Variants in MCC observed in about 807,000 individuals in gnomAD.
MCC encodes the protein colorectal mutant cancer protein.
Under a neutral mutation model 116.2 loss-of-function variants are expected in MCC, and 90 were observed. That is an observed-to-expected ratio of 0.77 (90% CI 0.65 to 0.92). MCC has a LOEUF of 0.92. MCC is among the 40% of genes least tolerant of loss of function. MCC has a pLI of 0.00. For synonymous variants in MCC, 578 were observed against 510.5 expected, an observed-to-expected ratio of 1.13 and a Z score of -1.78; for missense variants, 1,516 against 1,312.2, an observed-to-expected ratio of 1.16 and a Z score of -2.40.
rs766615459 is a variant in MCC, at chr5:113,434,603, A to G, written c.171-49391T>C. ...TGTAGACCTTGCCATGTGATGTCTCAAAGATCTCGTAGGTCTTAATGATGG... is the reference window on the plus strand; with the variant it reads ...TGTAGACCTTGCCATGTGATGTCTCGAAGATCTCGTAGGTCTTAATGATGG... On this transcript the variant is annotated intron_variant, in intron 1 of 18. Transcript: ENST00000408903. The surrounding 1 kb of genome is among the most constrained non-coding windows in gnomAD (Gnocchi z 4.2). The G allele has an allele frequency of 4.3e-6, 7 of 1,613,638 alleles. No homozygotes were observed. The highest frequency in any genetic ancestry group is 4.2e-6 in the Non-Finnish European group (5 of 1,179,832).
rs1383749057 is a variant in MCC at position 113,185,126 on chromosome 5, TA to T, written c.628-33705del. ...CTGCACGATGGTTCAAACATCAACT[TA>T]ATGAAGAGAGAGTGGGCATAAGGGG... On this transcript the variant is annotated intron_variant, in intron 3 of 18. Transcript: ENST00000408903. Among the ~76,000 whole-genome samples the T allele has an allele frequency of 1.0e-3, 156 of 152,216 alleles. 1 individual carries two copies. In the East Asian group the frequency reaches 0.028, roughly 27 times the overall value.
chr5:113,051,448 G>A (rs1053788055), intron 15 of MCC, among the ~76,000 whole-genome samples: 1 of 152,240 alleles, frequency 6.6e-6, no homozygotes, highest in Non-Finnish European at 1.5e-5. Flanking sequence ...GCCAGGCCTG[G>A]TGCCTCACAT....
chr5:113,250,566 GGTT>G (rs1764758824), intron 3 of MCC, among the ~76,000 whole-genome samples: 1 of 152,086 alleles, frequency 6.6e-6, no homozygotes, highest in African/African-American at 2.4e-5. Context: ...AAGTTACTCA[GGTT>G]ACCAGACCTT....
chr5:113,024,727 C>G lies in MCC; in HGVS notation c.*2575G>C, dbSNP rs1266398562. On this transcript the variant is annotated 3_prime_UTR_variant, in exon 19 of 19. Coordinates refer to ENST00000408903, the MANE Select transcript of MCC (RefSeq NM_001085377.2). Reference sequence around the variant, plus strand: ...TTCACAAAGGAAAATTACCCAGGAACCTGCAAGCATTTAATTTAATCAGTA... The same window carrying G: ...TTCACAAAGGAAAATTACCCAGGAAGCTGCAAGCATTTAATTTAATCAGTA... 1 of 128,982 alleles carries G rather than the reference C, an allele frequency of 7.8e-6. No homozygotes were observed. The highest frequency in any genetic ancestry group is 1.6e-5 in the Non-Finnish European group (1 of 61,980). The allele number at this position is 128,982 out of a possible 1,614,324, so 8.0% of individuals were successfully genotyped here. A position where few individuals can be genotyped will look rare whatever the true frequency, so the allele number is the denominator to read the frequency against.
intron 3 of MCC, among the ~76,000 whole-genome samples, chr5:113,287,454 G>C (rs1372644576): frequency 6.6e-6 from 1 of 152,078 alleles, no homozygotes; most frequent in African/African-American, 2.4e-5. Context: ...AGCCTCCCGA[G>C]TAGCTGGGAT....
intron 14 of MCC, among the ~76,000 whole-genome samples, chr5:113,055,942 A>C (rs1282146311): frequency 6.6e-6 from 1 of 152,234 alleles, no homozygotes; most frequent in Non-Finnish European, 1.5e-5. Context: ...CAGGATGGCA[A>C]CATCAACTCT....
Position 113,101,822 on chromosome 5 carries a change from G to C in MCC, c.1315C>G (p.Leu439Val), listed in dbSNP as rs746601397. 2 of 1,613,510 alleles carry C rather than the reference G, an allele frequency of 1.2e-6. No individual in the cohort carries two copies. The highest frequency in any genetic ancestry group is 2.2e-5 in the South Asian group (2 of 91,074). Reference sequence around the variant, plus strand: ...TTCAGTTCTTCCTCTTTGCTGCACAGCATGGCAGTCAGGCTCTCATTCTCT... The same window carrying C: ...TTCAGTTCTTCCTCTTTGCTGCACACCATGGCAGTCAGGCTCTCATTCTCT... ...REENESLTAMLCSKEEELNRT... is the reference protein window; with the variant it reads ...REENESLTAMVCSKEEELNRT... The change falls in exon 8 of 19, where the codon CTG becomes GTG. Residue 439 changes from leucine to valine, a missense_variant. By Grantham distance (32) the Leu-to-Val change is conservative. Coordinates refer to ENST00000408903, the MANE Select transcript of MCC (RefSeq NM_001085377.2).
chr5:113,025,894 T>A lies in MCC; in HGVS notation c.*1408A>T, dbSNP rs1358720049. 6.6e-6 allele frequency: 1 copy of A among 152,220 alleles called. No individual in the cohort carries two copies. Among genetic ancestry groups the A allele is most frequent in the Non-Finnish European group, 1.5e-5 (1 of 68,048 alleles). 9.4% of individuals were successfully genotyped at this position (152,220 alleles called of 1,614,324 possible). On this transcript the variant is annotated 3_prime_UTR_variant, in exon 19 of 19. Coordinates refer to ENST00000408903, the MANE Select transcript of MCC (RefSeq NM_001085377.2). ...CCGTAGCTTATGGACATAAAGACTC[T>A]ATGCAGAAACCTCCTCAACTTTAAT...
At chr5:113,100,370 C>T (rs1213083857) in intron 8 of MCC, among the ~76,000 whole-genome samples, 1 of 150,322 alleles carries the variant, frequency 6.7e-6, no homozygotes, top group East Asian at 1.9e-4. Context: ...CTCGTTGAAG[C>T]ATAGAAGAGC....
intron 5 of MCC, among the ~76,000 whole-genome samples, chr5:113,141,384 C>T (rs893354107): frequency 2.6e-5 from 4 of 152,220 alleles, no homozygotes; most frequent in Non-Finnish European, 4.4e-5. Context: ...ACTTCTCAGA[C>T]TCCATAATCA....
At chr5:113,066,390 T>A (rs931634635) in intron 13 of MCC, among the ~76,000 whole-genome samples, 1 of 152,140 alleles carries the variant, frequency 6.6e-6, no homozygotes, top group Non-Finnish European at 1.5e-5. Flanking sequence ...ATATGAGAAA[T>A]AAAGTTTTAT....
chr5:113,367,569 A>G (rs1406487373), intron 2 of MCC, among the ~76,000 whole-genome samples: 1 of 141,348 alleles, frequency 7.1e-6, no homozygotes, highest in Non-Finnish European at 1.5e-5. Context: ...TGAGGCCAAA[A>G]GAATTTTCCC....
chr5:113,374,171 C>T (rs956944680), intron 2 of MCC, among the ~76,000 whole-genome samples: 15 of 151,510 alleles, frequency 9.9e-5, no homozygotes, highest in African/African-American at 1.5e-4. Flanking sequence ...CGGTTACAGG[C>T]GTGAGCCACG....
chr5:113,185,313 A>G (rs1455303340), intron 3 of MCC, among the ~76,000 whole-genome samples: 3 of 152,146 alleles, frequency 2.0e-5, no homozygotes, highest in Non-Finnish European at 4.4e-5. Flanking sequence ...CAAGCCCTAG[A>G]GGAAACAACT....
At chr5:113,218,558 G>C (rs78961882) in intron 3 of MCC, among the ~76,000 whole-genome samples, 1 of 152,316 alleles carries the variant, frequency 6.6e-6, no homozygotes, top group East Asian at 1.9e-4. Flanking sequence ...ACAATGCCCA[G>C]AGGTAGAAAT....
intron 5 of MCC, among the ~76,000 whole-genome samples, chr5:113,136,239 A>G (rs1355170660): frequency 6.6e-6 from 1 of 152,190 alleles, no homozygotes; most frequent in Non-Finnish European, 1.5e-5. Context: ...TTTAGCTAGC[A>G]TCTCAGCTGG....
At chr5:113,471,176 G>A (rs528217458) in intron 1 of MCC, among the ~76,000 whole-genome samples, 4 of 152,196 alleles carry the variant, frequency 2.6e-5, no homozygotes, top group East Asian at 3.9e-4. Context: ...CTCTCAACTC[G>A]TCAAAGTCAT....
chr5:113,216,185 C>T (rs1221985285), intron 3 of MCC, among the ~76,000 whole-genome samples: 4 of 149,066 alleles, frequency 2.7e-5, no homozygotes, highest in East Asian at 1.9e-4. Context: ...AGACCATATA[C>T]CCTGCAAAAA....
chr5:113,028,827 T>TA, intron 18 of MCC, 107 bp downstream of exon 18: 1 of 1,348,062 alleles, frequency 7.4e-7, no homozygotes, highest in African/African-American at 1.5e-5. Context: ...AGTTAGTTCT[T>TA]AAGAGTTAGG....
Sources: allele counts gnomAD v4.1 joint callset (sites outside exome capture counted in the v4.1 genomes callset), GRCh38; gene constraint gnomAD v4.1.1; non-coding constraint Gnocchi (gnomAD v3.1); transcripts MANE v1.5; gene names NCBI Gene and HGNC (gene_info 2026-07-23, HGNC 2026-07-21).